The following KLHL1 variants were observed in gnomAD, a reference collection of about 807,000 sequenced individuals.
KLHL1 encodes the protein kelch like family member 1, also known as kelch-like protein 1.
A neutral mutation model predicts 77.7 loss-of-function variants in KLHL1; 47 were observed. The ratio of observed to expected loss-of-function variants is 0.60; its 90% CI spans 0.48 to 0.77. KLHL1 has a LOEUF of 0.77. Ranked by LOEUF, KLHL1 falls within the 30% of genes least tolerant of loss-of-function variation. The pLI is 0.00. For missense variants in KLHL1, 925 were observed against 910.8 expected (o/e 1.02, Z -0.20); for synonymous variants, 360 against 325.2 (o/e 1.11, Z -1.15).
At chr13:70,075,524 A>G (rs1162350371) in intron 1 of KLHL1, among the ~76,000 whole-genome samples, 5 of 140,964 alleles carry the variant, frequency 3.5e-5, no homozygotes, top group African/African-American at 1.3e-4. Flanking sequence ...ATTATTGCAT[A>G]CTTATATATT....
intron 4 of KLHL1, among the ~76,000 whole-genome samples, chr13:69,929,291 T>C (rs1357982538): frequency 6.6e-6 from 1 of 151,932 alleles, no homozygotes; most frequent in Non-Finnish European, 1.5e-5. Flanking sequence ...ATTGAAATTA[T>C]TCTGTGTTTT....
intron 7 of KLHL1, among the ~76,000 whole-genome samples, chr13:69,747,672 G>A (rs1874276253): frequency 6.6e-6 from 1 of 151,716 alleles, no homozygotes; most frequent in African/African-American, 2.4e-5. Context: ...AGAACAACCA[G>A]GATATTAAAA....
At chr13:69,900,887 T>G (rs1277801960) in intron 4 of KLHL1, among the ~76,000 whole-genome samples, 1 of 152,168 alleles carries the variant, frequency 6.6e-6, no homozygotes, top group Non-Finnish European at 1.5e-5. Context: ...CACCTTGCAT[T>G]TGGTTTCCCT....
At chr13:69,861,340 A>T (rs1428877116) in intron 5 of KLHL1, among the ~76,000 whole-genome samples, 3 of 152,000 alleles carry the variant, frequency 2.0e-5, no homozygotes, top group African/African-American at 4.8e-5. Context: ...TTGTATAGAT[A>T]CTTTATATGT....
chr13:70,080,221 C>T (rs970651040), intron 1 of KLHL1, among the ~76,000 whole-genome samples: 1 of 152,048 alleles, frequency 6.6e-6, no homozygotes, highest in Non-Finnish European at 1.5e-5. Context: ...GACCAGGGAA[C>T]GAATTTGAGG....
At chr13:69,940,769 G>T (rs1304326011) in intron 3 of KLHL1, among the ~76,000 whole-genome samples, 11 of 60,286 alleles carry the variant, frequency 1.8e-4, no homozygotes, top group South Asian at 1.0e-3. Context: ...TTGTTTCCCT[G>T]TTTGGTCATT....
chr13:70,088,273 C>T (rs778530947), intron 1 of KLHL1, among the ~76,000 whole-genome samples: 5 of 152,096 alleles, frequency 3.3e-5, no homozygotes, highest in Non-Finnish European at 7.4e-5. Flanking sequence ...GTTTCTTTAC[C>T]TCCATGAGTC....
chr13:70,024,179 A>C (rs536429782), intron 1 of KLHL1, among the ~76,000 whole-genome samples: 2 of 152,090 alleles, frequency 1.3e-5, no homozygotes, highest in South Asian at 2.1e-4. Context: ...TGAACCAAAC[A>C]AAATAGCTTA....
chr13:69,900,208 T>C (rs1350059312), intron 4 of KLHL1, among the ~76,000 whole-genome samples: 2 of 152,170 alleles, frequency 1.3e-5, no homozygotes, highest in East Asian at 1.9e-4. Flanking sequence ...TGGTATCATA[T>C]ACTTAAAAAT....
intron 8 of KLHL1, among the ~76,000 whole-genome samples, chr13:69,730,569 C>T (rs555619216): frequency 3.3e-5 from 5 of 151,512 alleles, no homozygotes; most frequent in East Asian, 3.9e-4. Flanking sequence ...TCCAAGAGAA[C>T]ATCCATTCCT....
At chr13:69,784,882 ATT>A (rs775109435) in intron 7 of KLHL1, among the ~76,000 whole-genome samples, 1,931 of 79,328 alleles carry the variant, frequency 0.024, 18 homozygotes, top group African/African-American at 0.09. Flanking sequence ...CAGAATATAC[ATT>A]TTTTTTTTTT....
intron 5 of KLHL1, among the ~76,000 whole-genome samples, chr13:69,860,116 C>T (rs1880078484): frequency 6.6e-6 from 1 of 152,044 alleles, no homozygotes; most frequent in Non-Finnish European, 1.5e-5. Context: ...TAATGAAAGG[C>T]TCATCCACTA....
At chr13:69,986,554 AC>A (rs1369001633) in intron 1 of KLHL1, among the ~76,000 whole-genome samples, 7 of 152,052 alleles carry the variant, frequency 4.6e-5, no homozygotes, top group Non-Finnish European at 1.0e-4. Context: ...ACATATAATT[AC>A]CATAAATTTA....
At chr13:69,885,138 C>T (rs933381448) in intron 4 of KLHL1, among the ~76,000 whole-genome samples, 1 of 137,098 alleles carries the variant, frequency 7.3e-6, no homozygotes, top group Non-Finnish European at 1.5e-5. Flanking sequence ...GACGGGGTTT[C>T]ACCGTGTTAG....
At chr13:69,967,990 C>T (rs1884267982) in intron 2 of KLHL1, among the ~76,000 whole-genome samples, 1 of 151,878 alleles carries the variant, frequency 6.6e-6, no homozygotes, top group Non-Finnish European at 1.5e-5. Context: ...AGAAGTTATA[C>T]CGTGGGTAGA....
At chr13:70,046,790 A>G (rs1049757909) in intron 1 of KLHL1, among the ~76,000 whole-genome samples, 1 of 152,136 alleles carries the variant, frequency 6.6e-6, no homozygotes, top group African/African-American at 2.4e-5. Context: ...CTGGAATTAA[A>G]GGCCCTTACA....
At chr13:69,881,159 G>T (rs1426648482) in intron 5 of KLHL1, among the ~76,000 whole-genome samples, 1 of 151,902 alleles carries the variant, frequency 6.6e-6, no homozygotes, top group Non-Finnish European at 1.5e-5. Flanking sequence ...TTATTTTGCT[G>T]TTTTTTTCTC....
At chr13:69,907,980 G>A (rs1882097372) in intron 4 of KLHL1, among the ~76,000 whole-genome samples, 1 of 152,042 alleles carries the variant, frequency 6.6e-6, no homozygotes, top group South Asian at 2.1e-4. Flanking sequence ...CATGTAGATA[G>A]TGAAGCCAAT....
At position 69,830,000 on chromosome 13, in the gene KLHL1, T is replaced by C. The variant is rs1176749104; in HGVS notation, c.1414+8976A>G. Reference sequence around the variant, plus strand: ...AAAATACACCAAAATAGAACCTCCTTAAAGCATAAATTTCACCAGGCTTAT... The same window carrying C: ...AAAATACACCAAAATAGAACCTCCTCAAAGCATAAATTTCACCAGGCTTAT... On this transcript the variant is annotated intron_variant, in intron 6 of 10. Transcript: ENST00000377844. Among the ~76,000 whole-genome samples the C allele has an allele frequency of 1.3e-5, 2 of 149,508 alleles. 1 individual carries two copies. Among genetic ancestry groups the C allele is most frequent in the African/African-American group, 5.0e-5 (2 of 39,642 alleles).
Sources: allele counts gnomAD v4.1 joint callset (sites outside exome capture counted in the v4.1 genomes callset), GRCh38; gene constraint gnomAD v4.1.1; transcripts MANE v1.5; gene names NCBI Gene and HGNC (gene_info 2026-07-23, HGNC 2026-07-21).